GCNT1: variants seen among roughly 807,000 people sequenced by gnomAD.
The protein encoded by GCNT1 is beta-1,3-galactosyl-O-glycosyl-glycoprotein beta-1,6-N-acetylglucosaminyltransferase.
Under a neutral mutation model 26.2 loss-of-function variants are expected in GCNT1, and 16 were observed. The ratio of observed to expected loss-of-function variants is 0.61; its 90% CI spans 0.41 to 0.93. The LOEUF (loss-of-function observed/expected upper bound fraction) is 0.93. Among genes scored for constraint, GCNT1 ranks in the 40% least tolerant of loss-of-function variants. GCNT1 has a pLI of 0.00. For missense variants in GCNT1, 477 were observed against 526.7 expected (o/e 0.91, Z 0.92); for synonymous variants, 183 against 190.8 (o/e 0.96, Z 0.34).
intron 2 of GCNT1, among the ~76,000 whole-genome samples, chr9:76,493,061 C>T (rs1025024185): frequency 4.6e-5 from 7 of 152,124 alleles, no homozygotes; most frequent in African/African-American, 1.7e-4. Flanking sequence ...TTTCTTAAGG[C>T]CTCCCGTAGC....
chr9:76,455,896 C>A (rs1823752235), upstream of GCNT1, among the ~76,000 whole-genome samples: 1 of 152,226 alleles, frequency 6.6e-6, no homozygotes, highest in African/African-American at 2.4e-5. Context: ...AGCCACCATG[C>A]CCTGCCTCTG....
intron 2 of GCNT1, among the ~76,000 whole-genome samples, chr9:76,482,205 T>G (rs560550077): frequency 6.0e-4 from 91 of 152,194 alleles, no homozygotes; most frequent in Admixed American, 3.2e-3. Context: ...AACAAAGAGT[T>G]GTACTTACGA....
At chr9:76,485,842 C>T (rs1412586846) in intron 2 of GCNT1, among the ~76,000 whole-genome samples, 2 of 152,176 alleles carry the variant, frequency 1.3e-5, no homozygotes, top group South Asian at 2.1e-4. Context: ...AAGTGATTCT[C>T]CTGCCTCAGC....
Position 76,501,002 on chromosome 9 carries a change from G to T in GCNT1, c.-203G>T, listed in dbSNP as rs1825050259. ...TGACAGCATGTGAAGTGCTCAGAATGGGGCAGGATGTCACCTGGAATCAGC... is the reference window on the plus strand; with the variant it reads ...TGACAGCATGTGAAGTGCTCAGAATTGGGCAGGATGTCACCTGGAATCAGC... On this transcript the variant is annotated 5_prime_UTR_variant, in exon 3 of 4. The change abolishes an upstream ATG in the 5' untranslated region. Transcript: ENST00000376730. The T allele has an allele frequency of 6.6e-6, 1 of 152,178 alleles. No homozygotes were observed. The highest frequency in any genetic ancestry group is 1.5e-5 in the Non-Finnish European group (1 of 68,028). 9.4% of individuals were successfully genotyped at this position (152,178 alleles called of 1,614,324 possible). A position where few individuals can be genotyped will look rare whatever the true frequency, so the allele number is the denominator to read the frequency against.
chr9:76,419,496 C>T (rs1329253126), upstream of GCNT1, among the ~76,000 whole-genome samples: 2 of 152,044 alleles, frequency 1.3e-5, 1 homozygote, highest in Non-Finnish European at 2.9e-5. Flanking sequence ...TGGCGAGACC[C>T]CCGTCTCTAC....
chr9:76,428,474 A>G (rs566642290), intron 1 of GCNT1, among the ~76,000 whole-genome samples: 1 of 151,998 alleles, frequency 6.6e-6, no homozygotes, highest in African/African-American at 2.4e-5. Context: ...CACTGATTTT[A>G]AAAATGTTAA....
intron 2 of GCNT1, among the ~76,000 whole-genome samples, chr9:76,500,450 C>T (rs938260422): frequency 2.6e-5 from 4 of 151,920 alleles, no homozygotes; most frequent in Non-Finnish European, 5.9e-5. Context: ...GTTTTGTTAC[C>T]GAAGCTCCCC....
In GCNT1 at chr9:76,496,785, A is replaced by C. The variant is rs542011371; in HGVS notation, c.-289-4131A>C. The stretch of plus-strand genomic sequence containing the variant: ...GTACCAAGAACCATTACTTTCAGGT[A>C]CTGGCTTTCCTCTGTTCCAACTCAC... On this transcript the variant is annotated intron_variant, in intron 2 of 3. Transcript: ENST00000376730. 9.2e-5 allele frequency among the ~76,000 whole-genome samples: 14 copies of C among 152,282 alleles called. No individual in the cohort carries two copies. In the South Asian group the frequency reaches 2.9e-3, roughly 32 times the overall value.
At chr9:76,431,002 C>T (rs747336717) in intron 1 of GCNT1, among the ~76,000 whole-genome samples, 1 of 152,198 alleles carries the variant, frequency 6.6e-6, no homozygotes, top group African/African-American at 2.4e-5. Flanking sequence ...CTTAAAGTAA[C>T]ATGCACACAC....
chr9:76,419,221 T>C (rs1048345473), upstream of GCNT1, among the ~76,000 whole-genome samples: 2 of 152,110 alleles, frequency 1.3e-5, no homozygotes, highest in African/African-American at 4.8e-5. Flanking sequence ...CTTATTTACA[T>C]GATTATTGGC....
chr9:76,446,584 A>C (rs886369129), intron 1 of GCNT1, among the ~76,000 whole-genome samples: 16 of 152,178 alleles, frequency 1.1e-4, no homozygotes, highest in Non-Finnish European at 1.3e-4. Flanking sequence ...TTAATACTAC[A>C]CATATGTTTT....
At chr9:76,463,584 A>G (rs1823926820) in intron 2 of GCNT1, among the ~76,000 whole-genome samples, 1 of 152,232 alleles carries the variant, frequency 6.6e-6, no homozygotes, top group Non-Finnish European at 1.5e-5. Context: ...CTAAAGAGGT[A>G]GCCAAATGTT....
chr9:76,433,719 G>T (rs1336783639), intron 1 of GCNT1, among the ~76,000 whole-genome samples: 1 of 152,192 alleles, frequency 6.6e-6, no homozygotes, highest in Non-Finnish European at 1.5e-5. Flanking sequence ...AGGGAAGCCT[G>T]GGCAGGGGTA....
chr9:76,481,595 A>T (rs1824424102), intron 2 of GCNT1, among the ~76,000 whole-genome samples: 1 of 152,082 alleles, frequency 6.6e-6, no homozygotes, highest in Non-Finnish European at 1.5e-5. Context: ...TATAGGTCTT[A>T]ATTTTATCAC....
At chr9:76,496,272 T>C (rs1824904422) in intron 2 of GCNT1, among the ~76,000 whole-genome samples, 1 of 152,186 alleles carries the variant, frequency 6.6e-6, no homozygotes, top group Admixed American at 6.5e-5. Flanking sequence ...TACTAGTGGA[T>C]ACTTTGAACA....
chr9:76,454,850 T>C (rs1369547816), upstream of GCNT1, among the ~76,000 whole-genome samples: 2 of 140,390 alleles, frequency 1.4e-5, no homozygotes, highest in Non-Finnish European at 3.1e-5. Context: ...TTCTTTTTTT[T>C]TTTTTTTTTT....
intron 2 of GCNT1, among the ~76,000 whole-genome samples, chr9:76,480,722 T>C (rs1359332254): frequency 6.6e-6 from 1 of 152,112 alleles, no homozygotes. Flanking sequence ...TTAAATGACA[T>C]TTTGTCTCAA....
intron 2 of GCNT1, among the ~76,000 whole-genome samples, chr9:76,494,651 T>C (rs1373516280): frequency 6.6e-6 from 1 of 152,154 alleles, no homozygotes; most frequent in East Asian, 1.9e-4. Flanking sequence ...ATCATTCTTA[T>C]AGGAGAAACT....
At chr9:76,397,811 C>G in the GCNT1 span, among the ~76,000 whole-genome samples, 1 of 152,154 alleles carries the variant, frequency 6.6e-6, no homozygotes, top group Non-Finnish European at 1.5e-5. Flanking sequence ...CTAAGAACTC[C>G]CATCAAGTAC....
Sources: allele counts gnomAD v4.1 joint callset (sites outside exome capture counted in the v4.1 genomes callset), GRCh38; gene constraint gnomAD v4.1.1; transcripts MANE v1.5; gene names NCBI Gene and HGNC (gene_info 2026-07-23, HGNC 2026-07-21).